Variants in ATRX observed in about 807,000 individuals in gnomAD.
ATRX encodes chromatin remodeler ATRX.
A neutral mutation model predicts 172.6 loss-of-function variants in ATRX; 12 were observed. The observed-to-expected ratio is 0.07, with a 90% CI of 0.04 to 0.11. The LOEUF (loss-of-function observed/expected upper bound fraction) is 0.11. ATRX is among the 10% of genes least tolerant of loss of function. ATRX has a pLI of 1.00. For missense variants in ATRX, 1,368 were observed against 1,767.4 expected, an observed-to-expected ratio of 0.77 and a Z score of 4.05; for synonymous variants, 674 against 594.7, an observed-to-expected ratio of 1.13 and a Z score of -1.94.
intron 13 of ATRX, among the ~76,000 whole-genome samples, chrX:77,654,908 CAAAT>C (rs2069461028): frequency 9.0e-6 from 1 of 111,638 alleles, no homozygotes; most frequent in African/African-American, 3.2e-5. Flanking sequence ...TGTCCATCAA[CAAAT>C]AAATTGATAA....
intron 1 of ATRX, among the ~76,000 whole-genome samples, chrX:77,785,377 T>C (rs1557207137): frequency 9.1e-6 from 1 of 109,785 alleles, no homozygotes; most frequent in Non-Finnish European, 1.9e-5. Flanking sequence ...AACCCAAGGA[T>C]ATCCTTCAGG....
At position 77,683,452 on chromosome X, in the gene ATRX, C is replaced by T. The variant is rs886044864; in HGVS notation, c.1804G>A (p.Gly602Ser). The T allele has an allele frequency of 5.8e-6, 7 of 1,208,661 alleles. No homozygotes were observed. The highest frequency in any genetic ancestry group is 5.2e-5 in the African/African-American group (3 of 57,222). ...TGTGGAACTTCCTGACAATCAGCAC[C>T]TTTAATTGGGGAATTAGAAAGGGAA... ...PVSLSNSPIKGADCQEVPQDK... is the reference protein window; with the variant it reads ...PVSLSNSPIKSADCQEVPQDK... Residue 602 changes from glycine (G) to serine (S), a missense_variant, in exon 9 of 35, where the codon GGT becomes AGT. Coordinates refer to ENST00000373344, the MANE Select transcript of ATRX (RefSeq NM_000489.6).
At chrX:77,568,169 A>G (rs1445605655) in intron 28 of ATRX, among the ~76,000 whole-genome samples, 1 of 110,478 alleles carries the variant, frequency 9.1e-6, no homozygotes, top group African/African-American at 3.3e-5. Context: ...GAAAAAAAAA[A>G]AAAGAAAAAG....
At chrX:77,723,661 T>C (rs1280696649) in intron 1 of ATRX, among the ~76,000 whole-genome samples, 1 of 111,263 alleles carries the variant, frequency 9.0e-6, no homozygotes, top group Non-Finnish European at 1.9e-5. Context: ...CGTGCTCAGA[T>C]AGAAAATGAG....
intron 30 of ATRX, among the ~76,000 whole-genome samples, chrX:77,555,883 C>CA (rs1557058692): frequency 9.2e-6 from 1 of 108,814 alleles, no homozygotes; most frequent in Admixed American, 9.8e-5. Flanking sequence ...GAAAAAAGAA[C>CA]AAAAAAAAGG....
intron 1 of ATRX, among the ~76,000 whole-genome samples, chrX:77,724,179 G>A (rs952778183): frequency 9.1e-6 from 1 of 110,143 alleles, no homozygotes; most frequent in East Asian, 2.9e-4. Context: ...TTGGGAGGCT[G>A]AGGCAGGAGA....
chrX:77,735,697 G>T (rs1267022296), intron 1 of ATRX, among the ~76,000 whole-genome samples: 3 of 96,098 alleles, frequency 3.1e-5, no homozygotes, highest in Non-Finnish European at 6.1e-5. Context: ...AGCTACTCGG[G>T]AGGCTGAGGC....
At chrX:77,742,461 GA>G (rs782552802) in intron 1 of ATRX, among the ~76,000 whole-genome samples, 1 of 111,850 alleles carries the variant, frequency 8.9e-6, no homozygotes, top group Non-Finnish European at 1.9e-5. Flanking sequence ...ACATACAGGG[GA>G]ACTGTGAGAC....
intron 1 of ATRX, among the ~76,000 whole-genome samples, chrX:77,750,348 C>G (rs782787490): frequency 9.0e-6 from 1 of 111,281 alleles, no homozygotes; most frequent in Non-Finnish European, 1.9e-5. Context: ...ATTTATTACA[C>G]AAACGATGAA....
In ATRX at chrX:77,684,220, G is replaced by C. The variant is rs782490640; in HGVS notation, c.1036C>G (p.Leu346Val). The change falls in exon 9 of 35, where the codon CTA becomes GTA. Residue 346 changes from leucine to valine, a missense_variant. Around this residue, in one of 17 missense-constraint regions of ATRX, gnomAD observed 843 missense variants for 643.1 expected, o/e 1.31. Transcript: ENST00000373344. ...TTAATCATCTCTTTGGGCACAATTA[G>C]TGCGGAATAAGAGTAGGTTACAGAG... ...SGSVTYSYSA[L>V]IVPKEMIKKA... 1 of 1,211,299 alleles carries C rather than the reference G, an allele frequency of 8.3e-7. No homozygotes were observed. The highest frequency in any genetic ancestry group is 1.1e-6 in the Non-Finnish European group (1 of 895,345).
intron 15 of ATRX, among the ~76,000 whole-genome samples, chrX:77,651,249 A>G (rs1420962530): frequency 5.1e-5 from 5 of 97,990 alleles, no homozygotes; most frequent in African/African-American, 1.5e-4. Context: ...AAAAAAAAAG[A>G]TGAAACAAGA....
At chrX:77,615,778 TA>T (rs1406680342) in intron 22 of ATRX, among the ~76,000 whole-genome samples, 1 of 111,446 alleles carries the variant, frequency 9.0e-6, no homozygotes, top group African/African-American at 3.3e-5. Flanking sequence ...ACTTTAGCTA[TA>T]ATTATCATGT....
chrX:77,506,892 GTTTT>G lies in ATRX; in HGVS notation c.*1455_*1458del, dbSNP rs1841073796. On this transcript the variant is annotated 3_prime_UTR_variant, in exon 35 of 35. Transcript: ENST00000373344. Reference sequence around the variant, plus strand: ...ATACCTAAAGCAAAGCCCAAACCCAGTTTTCTTTTTTTTTTTTTTTTTTTTTTTT... The same window carrying G: ...ATACCTAAAGCAAAGCCCAAACCCAGCTTTTTTTTTTTTTTTTTTTTTTTT... 3.3e-5 allele frequency: 2 copies of G among 61,237 alleles called. No homozygotes were observed. Among genetic ancestry groups the G allele is most frequent in the African/African-American group, 1.5e-4 (2 of 13,054 alleles). The allele number at this position is 61,237 out of a possible 1,213,427, so 5.0% of individuals were successfully genotyped here.
chrX:77,757,840 T>A (rs782350477), intron 1 of ATRX, among the ~76,000 whole-genome samples: 2 of 108,571 alleles, frequency 1.8e-5, no homozygotes, highest in South Asian at 4.2e-4. Flanking sequence ...CTCAGCTAAT[T>A]TTTGTATTTT....
chrX:77,767,483 A>T (rs1027151707), intron 1 of ATRX, among the ~76,000 whole-genome samples: 1 of 107,893 alleles, frequency 9.3e-6, no homozygotes, highest in Non-Finnish European at 1.9e-5. Context: ...GCAACCTCCG[A>T]CTCCTGGGTT....
Position 77,685,024 on chromosome X carries a change from G to A in ATRX, c.595-18C>T, listed in dbSNP as rs782283142. The A allele has an allele frequency of 1.8e-6, 2 of 1,138,759 alleles. No individual in the cohort carries two copies. Among genetic ancestry groups the A allele is most frequent in the South Asian group, 3.7e-5 (2 of 54,664 alleles). The allele number at this position is 1,138,759 out of a possible 1,213,427, so 93.8% of individuals were successfully genotyped here. ...AAGCAATTCTATTAAAAGAAAAGAG[G>A]AAGGGGAAATTTAATTCGAAATTGA... is the stretch of plus-strand genomic sequence containing the variant. On this transcript the variant is annotated intron_variant, in intron 7 of 34. Coordinates refer to ENST00000373344, the MANE Select transcript of ATRX (RefSeq NM_000489.6).
chrX:77,580,168 T>C (rs192044193), intron 27 of ATRX, among the ~76,000 whole-genome samples: 27 of 111,630 alleles, frequency 2.4e-4, no homozygotes, highest in South Asian at 3.7e-4. Context: ...CTACAAGGCA[T>C]AGAAAATAGC....
intron 1 of ATRX, chrX:77,785,715 G>T (rs868941308): frequency 3.4e-6 from 2 of 586,787 alleles, no homozygotes; most frequent in Admixed American, 6.6e-5. Context: ...GCCCGACCAA[G>T]CGTCACCGTT....
chrX:77,701,882 A>G (rs1307324619), intron 2 of ATRX, among the ~76,000 whole-genome samples: 1 of 110,101 alleles, frequency 9.1e-6, no homozygotes, highest in Non-Finnish European at 1.9e-5. Flanking sequence ...CCTAGCCAAC[A>G]TGGCAAAACC....
Sources: allele counts gnomAD v4.1 joint callset (sites outside exome capture counted in the v4.1 genomes callset), GRCh38; gene constraint gnomAD v4.1.1; regional missense constraint gnomAD v4.1.1; transcripts MANE v1.5; gene names NCBI Gene and HGNC (gene_info 2026-07-23, HGNC 2026-07-21).